Variants in DOK6 observed in about 807,000 individuals in gnomAD.
DOK6 encodes downstream of tyrosine kinase 6.
DOK6 carries 22 observed loss-of-function variants against 44.0 expected under a neutral mutation model. That is an observed-to-expected ratio of 0.50 (90% confidence interval 0.36 to 0.71). The LOEUF is 0.71. Among genes scored for constraint, DOK6 ranks in the 30% least tolerant of loss-of-function variants. DOK6 has a pLI of 0.00. For synonymous variants in DOK6, 166 were observed against 145.5 expected (o/e 1.14, Z -1.01); for missense variants, 340 against 416.4 (o/e 0.82, Z 1.60).
intron 1 of DOK6, among the ~76,000 whole-genome samples, chr18:69,433,444 A>G (rs574597626): frequency 1.3e-5 from 2 of 152,346 alleles, no homozygotes; most frequent in South Asian, 2.1e-4. Flanking sequence ...TAAAAATTGT[A>G]TCAAATTTTG....
At chr18:69,516,716 C>T (rs1357612102) in intron 1 of DOK6, among the ~76,000 whole-genome samples, 1 of 151,346 alleles carries the variant, frequency 6.6e-6, no homozygotes, top group South Asian at 2.1e-4. Flanking sequence ...GTCTCTGTCT[C>T]TCAGGCTGGA....
At chr18:69,427,800 G>A (rs535044943) in intron 1 of DOK6, among the ~76,000 whole-genome samples, 3 of 148,734 alleles carry the variant, frequency 2.0e-5, no homozygotes, top group African/African-American at 2.5e-5. Flanking sequence ...TTTTTGAGAT[G>A]GAATTTCACT....
chr18:69,508,236 T>C (rs1981250494), intron 1 of DOK6, among the ~76,000 whole-genome samples: 1 of 152,176 alleles, frequency 6.6e-6, no homozygotes, highest in Admixed American at 6.5e-5. Flanking sequence ...TTGTGCATTT[T>C]GTATGTTGTT....
chr18:69,627,702 G>C (rs1176244074), intron 3 of DOK6, among the ~76,000 whole-genome samples: 1 of 152,126 alleles, frequency 6.6e-6, no homozygotes, highest in Non-Finnish European at 1.5e-5. Context: ...GCCCGCCTCG[G>C]CCTCCCAAAG....
intron 3 of DOK6, among the ~76,000 whole-genome samples, chr18:69,626,854 G>A (rs1001370936): frequency 3.3e-5 from 5 of 152,138 alleles, no homozygotes; most frequent in South Asian, 2.1e-4. Flanking sequence ...AAAGATTTCT[G>A]TCTCAAAGAG....
At chr18:69,446,091 T>A (rs896837373) in intron 1 of DOK6, among the ~76,000 whole-genome samples, 2 of 152,126 alleles carry the variant, frequency 1.3e-5, no homozygotes, top group Admixed American at 1.3e-4. Context: ...AGTTCTAGGG[T>A]ACATGTGCAC....
intron 1 of DOK6, among the ~76,000 whole-genome samples, chr18:69,516,349 C>T (rs563052437): frequency 7.2e-5 from 11 of 152,006 alleles, no homozygotes; most frequent in African/African-American, 2.4e-4. Flanking sequence ...GAATAAAATC[C>T]GATTATATAA....
intron 6 of DOK6, among the ~76,000 whole-genome samples, chr18:69,743,832 A>AC (rs1978885739): frequency 1.3e-5 from 2 of 151,898 alleles, no homozygotes; most frequent in African/African-American, 4.8e-5. Flanking sequence ...AAAAAAAAAA[A>AC]AAAACAGCAT....
At chr18:69,496,478 A>G (rs1406347797) in intron 1 of DOK6, among the ~76,000 whole-genome samples, 1 of 152,252 alleles carries the variant, frequency 6.6e-6, no homozygotes, top group Non-Finnish European at 1.5e-5. Flanking sequence ...CGCTGCTGCC[A>G]TCAGTGCTAT....
chr18:69,784,058 G>T (rs1980358209), intron 7 of DOK6, among the ~76,000 whole-genome samples: 1 of 152,108 alleles, frequency 6.6e-6, no homozygotes, highest in African/African-American at 2.4e-5. Context: ...GTGGCAGCAT[G>T]CACCTGTAGT....
At chr18:69,415,786 G>T (rs1368309600) in intron 1 of DOK6, among the ~76,000 whole-genome samples, 1 of 151,962 alleles carries the variant, frequency 6.6e-6, no homozygotes, top group African/African-American at 2.4e-5. Flanking sequence ...GGTCACAAAA[G>T]AGAGGTCAAA....
intron 1 of DOK6, among the ~76,000 whole-genome samples, chr18:69,478,010 ATAT>A (rs1417441975): frequency 6.6e-6 from 1 of 152,206 alleles, no homozygotes; most frequent in Admixed American, 6.5e-5. Context: ...AGGAAAACTT[ATAT>A]TGTCTTTCTT....
chr18:69,796,754 C>A (rs1419595405), intron 7 of DOK6, among the ~76,000 whole-genome samples: 1 of 151,592 alleles, frequency 6.6e-6, no homozygotes, highest in Non-Finnish European at 1.5e-5. Flanking sequence ...TCAATCTCCA[C>A]AACTGTGAAG....
intron 1 of DOK6, among the ~76,000 whole-genome samples, chr18:69,450,584 G>T (rs905509507): frequency 1.3e-5 from 2 of 149,320 alleles, no homozygotes; most frequent in African/African-American, 2.5e-5. Context: ...TCCTCGAGAA[G>T]AGCAACTCCA....
intron 7 of DOK6, among the ~76,000 whole-genome samples, chr18:69,759,998 T>C (rs1310670770): frequency 6.6e-6 from 1 of 152,208 alleles, no homozygotes; most frequent in Non-Finnish European, 1.5e-5. Flanking sequence ...TTTACCACCC[T>C]GTATACCCCT....
chr18:69,691,367 AG>A (rs1162248790), intron 4 of DOK6, among the ~76,000 whole-genome samples: 1 of 152,126 alleles, frequency 6.6e-6, no homozygotes. Flanking sequence ...AAGGGCAGAA[AG>A]GAGAGAATAT....
chr18:69,511,444 G>C, intron 1 of DOK6, among the ~76,000 whole-genome samples: 1 of 151,948 alleles, frequency 6.6e-6, no homozygotes, highest in Non-Finnish European at 1.5e-5. Context: ...TGAAGGACTC[G>C]TAAAACAAGG....
At chr18:69,702,005 A>G (rs1568338238) in intron 5 of DOK6, among the ~76,000 whole-genome samples, 2 of 152,148 alleles carry the variant, frequency 1.3e-5, no homozygotes, top group African/African-American at 4.8e-5. Context: ...GCATAAAAAT[A>G]TAATTAATAC....
intron 1 of DOK6, among the ~76,000 whole-genome samples, chr18:69,543,693 C>T (rs2144582779): frequency 6.6e-6 from 1 of 151,404 alleles, no homozygotes; most frequent in East Asian, 1.9e-4. Flanking sequence ...TTTTGTATCT[C>T]CGTTACTACC....
Sources: gnomAD v4.1 joint callset for allele counts (sites outside exome capture counted in the v4.1 genomes callset) on GRCh38, gnomAD v4.1.1 for gene constraint, MANE v1.5 for transcripts, NCBI Gene and HGNC (gene_info 2026-07-23, HGNC 2026-07-21) for gene names.